TBXA2R: variants seen among roughly 807,000 people sequenced by gnomAD.
TBXA2R encodes the protein prostanoid TP receptor.
Under a neutral mutation model 15.6 loss-of-function variants are expected in TBXA2R, and 15 were observed. That is an observed-to-expected ratio of 0.96 (90% CI 0.64 to 1.48). TBXA2R has a LOEUF of 1.48. Among genes scored for constraint, TBXA2R ranks in the 40% most tolerant of loss-of-function variants. TBXA2R has a pLI of 0.00. For synonymous variants in TBXA2R, 280 were observed against 241.2 expected (o/e 1.16, Z -1.49); for missense variants, 506 against 491.4 (o/e 1.03, Z -0.28).
In TBXA2R at chr19:3,600,430, C is replaced by T. The variant is rs774991424; in HGVS notation, c.205G>A (p.Gly69Ser). 6.2e-7 allele frequency: 1 copy of T among 1,613,274 alleles called. No homozygotes were observed. Among genetic ancestry groups the T allele is most frequent in the Non-Finnish European group, 8.5e-7 (1 of 1,179,720 alleles). ...TRSSFLTFLC[G>S]LVLTDFLGLL... The stretch of plus-strand genomic sequence containing the variant: ...CCCAGGAAGTCGGTGAGGACGAGGC[C>T]GCAGAGGAAGGTGAGGAAGGAGGAG... Residue 69 changes from glycine (G) to serine (S), a missense_variant, in exon 2 of 3, where the codon GGC becomes AGC. Physicochemically the swap from Gly to Ser is moderately conservative, Grantham distance 56. Transcript: ENST00000375190.
rs1290349898 is a variant in TBXA2R, at chr19:3,599,957, G to A, written c.678C>T (p.Tyr226=). 2 of 1,579,390 alleles carry A rather than the reference G, an allele frequency of 1.3e-6. No individual in the cohort carries two copies. The highest frequency in any genetic ancestry group is 1.3e-5 in the African/African-American group (1 of 74,092). Residue 226 remains tyrosine, a synonymous_variant, in exon 2 of 3, where the codon TAC becomes TAT. Transcript: ENST00000375190. Reference sequence around the variant, plus strand: ...GCTGCTGGGCCGCCTCCTGCCCGTGGTAGACGTGGCACAGGGTGGCCACGC... The same window carrying A: ...GCTGCTGGGCCGCCTCCTGCCCGTGATAGACGTGGCACAGGGTGGCCACGC... The part of the protein sequence containing the change: ...TVSVATLCHV[Y]HGQEAAQQRP...
Position 3,595,054 on chromosome 19 carries a change from T to C in TBXA2R, c.*634A>G. On this transcript the variant is annotated 3_prime_UTR_variant, in exon 3 of 3. Coordinates refer to ENST00000375190, the MANE Select transcript of TBXA2R (RefSeq NM_001060.6). ...GAGATCGTGCCACTGTACTCCAGGC[T>C]GGGCCACAGAGTGAGACTCCGTCTA... The C allele has an allele frequency of 2.2e-6, 2 of 918,562 alleles. No homozygotes were observed. The highest frequency in any genetic ancestry group is 2.8e-5 in the South Asian group (2 of 71,328). 56.9% of individuals were successfully genotyped at this position (918,562 alleles called of 1,614,324 possible).
chr19:3,596,521 C>T (rs2032607398), intron 2 of TBXA2R, among the ~76,000 whole-genome samples: 1 of 152,036 alleles, frequency 6.6e-6, no homozygotes, highest in Non-Finnish European at 1.5e-5. Context: ...GCCTGGGGAA[C>T]ATAGTGAGAC....
chr19:3,598,517 A>T (rs1691323476), intron 2 of TBXA2R, among the ~76,000 whole-genome samples: 1 of 148,296 alleles, frequency 6.7e-6, no homozygotes, highest in Non-Finnish European at 1.5e-5. Context: ...TGGTTAGTTA[A>T]TTTTTTTTAG....
At chr19:3,595,982 C>G in intron 2 of TBXA2R, 49 bp from the exon 3 acceptor site, 3 of 1,554,770 alleles carry the variant, frequency 1.9e-6, no homozygotes, top group South Asian at 1.2e-5. Flanking sequence ...CAGCCCCGCC[C>G]GCCCCGGTCC....
chr19:3,602,991 G>A (rs1015500064), intron 1 of TBXA2R, among the ~76,000 whole-genome samples: 5 of 151,592 alleles, frequency 3.3e-5, no homozygotes, highest in African/African-American at 7.3e-5. Flanking sequence ...AGCTGAGATC[G>A]CGCCACTGCC....
At chr19:3,596,448 G>A (rs1005821243) in intron 2 of TBXA2R, among the ~76,000 whole-genome samples, 1 of 152,114 alleles carries the variant, frequency 6.6e-6, no homozygotes, top group African/African-American at 2.4e-5. Context: ...GCTCACGCCT[G>A]TGATCTCAGC....
chr19:3,598,261 G>C (rs1458214772), intron 2 of TBXA2R, among the ~76,000 whole-genome samples: 1 of 152,002 alleles, frequency 6.6e-6, no homozygotes, highest in Non-Finnish European at 1.5e-5. Context: ...GGAGGGTTTA[G>C]AGCAAGGGTT....
chr19:3,602,093 A>C (rs59019655), intron 1 of TBXA2R, among the ~76,000 whole-genome samples: 5,686 of 151,322 alleles, frequency 0.038, 221 homozygotes, highest in African/African-American at 0.098. Flanking sequence ...TGGTGGCGGG[A>C]GCCTGTAGTC....
chr19:3,602,107 G>C (rs1462993957), intron 1 of TBXA2R, among the ~76,000 whole-genome samples: 2 of 152,184 alleles, frequency 1.3e-5, no homozygotes, highest in African/African-American at 4.8e-5. Flanking sequence ...TGTAGTCCCA[G>C]CTACTCGGGA....
In TBXA2R at chr19:3,600,472, C is replaced by G. The variant is rs778068953; in HGVS notation, c.163G>C (p.Gly55Arg). 1.9e-6 allele frequency: 3 copies of G among 1,612,710 alleles called. No individual in the cohort carries two copies. The highest frequency in any genetic ancestry group is 8.5e-7 in the Non-Finnish European group (1 of 1,179,618). ...AAGGAGGAGCGCGTGTGCGAACCCC[C>G]CTGCCGCGCGCCCGCCAGCACGCTC... ...ALSVLAGARQGGSHTRSSFLT... is the reference protein window; with the variant it reads ...ALSVLAGARQRGSHTRSSFLT... The change falls in exon 2 of 3, where the codon GGG (glycine) becomes CGG (arginine). Residue 55 changes from glycine to arginine, a missense_variant. Transcript: ENST00000375190.
Position 3,595,538 on chromosome 19 carries a change from G to A in TBXA2R, c.*150C>T. 2 of 1,435,524 alleles carry A rather than the reference G, an allele frequency of 1.4e-6. No individual in the cohort carries two copies. Among genetic ancestry groups the A allele is most frequent in the African/African-American group, 2.9e-5 (2 of 69,844 alleles). 88.9% of individuals were successfully genotyped at this position (1,435,524 alleles called of 1,614,324 possible). ...ATCAGGGAGGAGTTGGGGGTCCCCGGGTTGGATTGGGGTCAACCCAAAACC... is the reference window on the plus strand; with the variant it reads ...ATCAGGGAGGAGTTGGGGGTCCCCGAGTTGGATTGGGGTCAACCCAAAACC... On this transcript the variant is annotated 3_prime_UTR_variant, in exon 3 of 3. Coordinates refer to ENST00000375190, the MANE Select transcript of TBXA2R (RefSeq NM_001060.6).
intron 2 of TBXA2R, among the ~76,000 whole-genome samples, chr19:3,598,279 G>C (rs138880677): frequency 1.3e-5 from 2 of 151,954 alleles, no homozygotes; most frequent in Admixed American, 6.5e-5. Context: ...GTTGACCCAT[G>C]GGCCAAATCT....
chr19:3,597,654 C>T (rs1029139738), intron 2 of TBXA2R, among the ~76,000 whole-genome samples: 2 of 151,482 alleles, frequency 1.3e-5, no homozygotes, highest in African/African-American at 2.4e-5. Context: ...ATAATTTGGC[C>T]GGGTGCGGTG....
Position 3,600,275 on chromosome 19 carries a change from C to T in TBXA2R, c.360G>A (p.Leu120=), listed in dbSNP as rs753475894. The T allele has an allele frequency of 6.2e-7, 1 of 1,612,522 alleles. No homozygotes were observed. Among genetic ancestry groups the T allele is most frequent in the Non-Finnish European group, 8.5e-7 (1 of 1,179,684 alleles). Residue 120 remains leucine, a synonymous_variant, in exon 2 of 3, where the codon CTG becomes CTA. Coordinates refer to ENST00000375190, the MANE Select transcript of TBXA2R (RefSeq NM_001060.6). ...CTGAGGCCATGGCGGCCCCCAGCAG[C>T]AGCGGGGACAGGCCGAAGAAGATCA... ...VVMIFFGLSP[L]LLGAAMASER...
intron 2 of TBXA2R, among the ~76,000 whole-genome samples, chr19:3,596,315 C>A (rs2032603916): frequency 6.6e-6 from 1 of 152,186 alleles, no homozygotes; most frequent in Non-Finnish European, 1.5e-5. Context: ...CAGGAGTGAG[C>A]CACTGCGCCC....
Position 3,595,524 on chromosome 19 carries a change from G to A in TBXA2R, c.*164C>T, listed in dbSNP as rs13306046. ...TGCTTGGTAAAAGGATCAGGGAGGA[G>A]TTGGGGGTCCCCGGGTTGGATTGGG... On this transcript the variant is annotated 3_prime_UTR_variant, in exon 3 of 3. Transcript: ENST00000375190. The A allele has an allele frequency of 0.11, 162,287 of 1,434,332 alleles. 9,609 individuals are homozygous for A. The highest frequency in any genetic ancestry group is 0.15 in the African/African-American group (10,319 of 69,796). 88.9% of individuals were successfully genotyped at this position (1,434,332 alleles called of 1,614,324 possible). A position where few individuals can be genotyped will look rare whatever the true frequency, so the allele number is the denominator to read the frequency against.
At position 3,599,840 on chromosome 19, in the gene TBXA2R, C is replaced by T; in HGVS notation, c.786+9G>A. ...GAGGGTAGCAGGACCCCGCAGAGCCCCTACTCACCAGAAGGGGCAGCCAAC... is the reference window on the plus strand; with the variant it reads ...GAGGGTAGCAGGACCCCGCAGAGCCTCTACTCACCAGAAGGGGCAGCCAAC... On this transcript the variant is annotated intron_variant, in intron 2 of 2. Coordinates refer to ENST00000375190, the MANE Select transcript of TBXA2R (RefSeq NM_001060.6). 6.5e-7 allele frequency: 1 copy of T among 1,548,926 alleles called. No homozygotes were observed. The highest frequency in any genetic ancestry group is 8.7e-7 in the Non-Finnish European group (1 of 1,146,930).
chr19:3,595,083 A>AG lies in TBXA2R; in HGVS notation c.*604_*605insC. On this transcript the variant is annotated 3_prime_UTR_variant, in exon 3 of 3. Coordinates refer to ENST00000375190, the MANE Select transcript of TBXA2R (RefSeq NM_001060.6). ...CCACAGAGTGAGACTCCGTCTAAAA[A>AG]AAAAAAAAAAAATGGCCAGGTGTGG... The AG allele has an allele frequency of 1.3e-6, 1 of 797,778 alleles. No homozygotes were observed. The highest frequency in any genetic ancestry group is 2.0e-6 in the Non-Finnish European group (1 of 512,172). 49.4% of individuals were successfully genotyped at this position (797,778 alleles called of 1,614,324 possible).
Sources: allele counts gnomAD v4.1 joint callset (sites outside exome capture counted in the v4.1 genomes callset), GRCh38; gene constraint gnomAD v4.1.1; transcripts MANE v1.5; gene names NCBI Gene and HGNC (gene_info 2026-07-23, HGNC 2026-07-21).